GOLM1: variants seen among roughly 807,000 people sequenced by gnomAD.
GOLM1 encodes golgi membrane protein 1.
Under a neutral mutation model 50.5 loss-of-function variants are expected in GOLM1, and 31 were observed. The observed-to-expected ratio is 0.61, with a 90% confidence interval of 0.46 to 0.83. GOLM1 has a LOEUF of 0.83. Among genes scored for constraint, GOLM1 ranks in the 40% least tolerant of loss-of-function variants. The pLI is 0.00. For synonymous variants in GOLM1, 178 were observed against 192.8 expected (o/e 0.92, Z 0.64); for missense variants, 491 against 501.3 (o/e 0.98, Z 0.20).
intron 3 of GOLM1, among the ~76,000 whole-genome samples, chr9:86,060,158 T>C (rs1834114563): frequency 6.6e-6 from 1 of 152,116 alleles, no homozygotes; most frequent in African/African-American, 2.4e-5. Context: ...ATTTTCACAC[T>C]CAATCTTTGC....
At position 86,036,323 on chromosome 9, in the gene GOLM1, A is replaced by G. The variant is rs369038586; in HGVS notation, c.757+25T>C. 11 of 1,613,348 alleles carry G rather than the reference A, an allele frequency of 6.8e-6. No individual in the cohort carries two copies. The African/African-American group carries it at 1.3e-4, about 20-fold the overall frequency. ...GATGGGGCTCTGGAGAGCTGGGAAC[A>G]GGGCAACTGCTGGGCTCTGCTTACC... On this transcript the variant is annotated intron_variant, in intron 7 of 9. Coordinates refer to ENST00000388712, the MANE Select transcript of GOLM1 (RefSeq NM_016548.4).
At chr9:86,044,674 G>A (rs1200588216) in intron 5 of GOLM1, among the ~76,000 whole-genome samples, 5 of 152,126 alleles carry the variant, frequency 3.3e-5, no homozygotes, top group African/African-American at 4.8e-5. Flanking sequence ...GAGGCTGGCC[G>A]GGCACAGTAG....
chr9:86,051,242 T>C (rs1833740139), intron 4 of GOLM1, among the ~76,000 whole-genome samples: 1 of 152,146 alleles, frequency 6.6e-6, no homozygotes, highest in Non-Finnish European at 1.5e-5. Context: ...TTTGTTATAA[T>C]TGCTGTTCTT....
chr9:86,073,905 T>C (rs1396071627), intron 3 of GOLM1, among the ~76,000 whole-genome samples: 1 of 152,218 alleles, frequency 6.6e-6, no homozygotes, highest in Non-Finnish European at 1.5e-5. Flanking sequence ...GAAAATTCTA[T>C]CAGACAGGGC....
At chr9:86,036,076 C>T (rs754462958) in intron 7 of GOLM1, among the ~76,000 whole-genome samples, 10 of 152,206 alleles carry the variant, frequency 6.6e-5, no homozygotes, top group East Asian at 1.9e-4. Context: ...CCGCCTCCCC[C>T]GAGTCCCACA....
In GOLM1 at chr9:86,036,525, G is replaced by C. The variant is rs375979075; in HGVS notation, c.598-18C>G. On this transcript the variant is annotated intron_variant, in intron 6 of 9. Transcript: ENST00000388712. ...GCTTGGAGCTGAAACAGAAGCACAG[G>C]ACAGCCAGCCAGGGCAGGGCTCTGT... The C allele has an allele frequency of 6.2e-7, 1 of 1,612,906 alleles. No homozygotes were observed. The highest frequency in any genetic ancestry group is 8.5e-7 in the Non-Finnish European group (1 of 1,179,584).
intron 1 of GOLM1, among the ~76,000 whole-genome samples, chr9:86,081,018 TG>T (rs1435445880): frequency 5.9e-5 from 9 of 152,130 alleles, no homozygotes; most frequent in Admixed American, 5.9e-4. Context: ...CTCAAGTAGC[TG>T]GGACTACAGA....
intron 9 of GOLM1, among the ~76,000 whole-genome samples, chr9:86,032,350 G>C (rs1335863497): frequency 6.6e-6 from 1 of 152,114 alleles, no homozygotes; most frequent in Non-Finnish European, 1.5e-5. Context: ...TCTCTTTTTA[G>C]TAGAGACGGG....
At chr9:86,058,061 T>G (rs1352615565) in intron 3 of GOLM1, among the ~76,000 whole-genome samples, 1 of 152,190 alleles carries the variant, frequency 6.6e-6, no homozygotes, top group Non-Finnish European at 1.5e-5. Flanking sequence ...GTTACTACCT[T>G]AGAATGAAAA....
intron 3 of GOLM1, among the ~76,000 whole-genome samples, chr9:86,053,832 A>C (rs201020081): frequency 1.4e-5 from 2 of 141,448 alleles, no homozygotes; most frequent in Non-Finnish European, 3.1e-5. Context: ...CACCAAACCA[A>C]ACCACACCAC....
chr9:86,097,323 T>G (rs1887878), intron 1 of GOLM1, among the ~76,000 whole-genome samples: 19,950 of 152,188 alleles, frequency 0.13, 1,826 homozygotes, highest in East Asian at 0.52. Flanking sequence ...TTCCTTCTAC[T>G]TTTTTACAAA....
At chr9:86,092,047 C>T (rs1587745096) in intron 1 of GOLM1, among the ~76,000 whole-genome samples, 1 of 152,110 alleles carries the variant, frequency 6.6e-6, no homozygotes, top group South Asian at 2.1e-4. Flanking sequence ...CTGACACTGG[C>T]TCCACCACTC....
rs1490907605 is a variant in GOLM1, at chr9:86,036,469, T to G, written c.636A>C (p.Ala212=). 6.2e-7 allele frequency: 1 copy of G among 1,613,650 alleles called. No homozygotes were observed. The highest frequency in any genetic ancestry group is 8.5e-7 in the Non-Finnish European group (1 of 1,179,902). ...ALSEPQPRLQ[A]AGLPHTEVPQ... ...GCACCTCTGTGTGTGGCAGGCCTGC[T>G]GCCTGCAGCCTGGGCTGAGGCTCAC... The change falls in exon 7 of 10, where the codon GCA becomes GCC. Residue 212 remains alanine, a synonymous_variant. Coordinates refer to ENST00000388712, the MANE Select transcript of GOLM1 (RefSeq NM_016548.4).
intron 3 of GOLM1, among the ~76,000 whole-genome samples, chr9:86,062,591 G>A (rs1834193150): frequency 6.6e-6 from 1 of 150,946 alleles, no homozygotes; most frequent in South Asian, 2.1e-4. Flanking sequence ...AGAGAGACAG[G>A]GTCTGGAGGG....
At chr9:86,097,891 A>G (rs1835401814) in intron 1 of GOLM1, among the ~76,000 whole-genome samples, 1 of 152,184 alleles carries the variant, frequency 6.6e-6, no homozygotes, top group Admixed American at 6.5e-5. Flanking sequence ...AACAACAACA[A>G]CAACAGCGGG....
At chr9:86,079,470 C>T (rs1166000282) in intron 1 of GOLM1, 129 bp from the exon 2 acceptor site, 25 of 675,378 alleles carry the variant, frequency 3.7e-5, no homozygotes, top group Non-Finnish European at 5.3e-5. Context: ...TTCTCCTTGA[C>T]GTGCAAAGCT....
rs1832814281 is a variant in GOLM1 at position 86,027,279 on chromosome 9, G to GTGTT, written c.*534_*537dup. 2 of 985,268 alleles carry GTGTT rather than the reference G, an allele frequency of 2.0e-6. No homozygotes were observed. Among genetic ancestry groups the GTGTT allele is most frequent in the Non-Finnish European group, 2.4e-6 (2 of 829,882 alleles). 61.0% of individuals were successfully genotyped at this position (985,268 alleles called of 1,614,324 possible). ...TGTTGCTACTTTGCTAGTGACGTTT[G>GTGTT]TGTTAACAGTCAGTGCTCTAGGCCA... On this transcript the variant is annotated 3_prime_UTR_variant, in exon 10 of 10. Transcript: ENST00000388712.
rs948585728 is a variant in GOLM1 at position 86,085,907 on chromosome 9, T to C, written c.-21-6566A>G. 2.6e-5 allele frequency among the ~76,000 whole-genome samples: 4 copies of C among 152,358 alleles called. No homozygotes were observed. In the South Asian group the frequency reaches 8.3e-4, roughly 32 times the overall value. On this transcript the variant is annotated intron_variant, in intron 1 of 9. Coordinates refer to ENST00000388712, the MANE Select transcript of GOLM1 (RefSeq NM_016548.4). ...GGCATTTGGGTTGGTTCCAAGTCTT[T>C]GCTATCGTGAACAGTGCCGCAATAA...
chr9:86,087,175 G>GT (rs1327948616), intron 1 of GOLM1, among the ~76,000 whole-genome samples: 1 of 152,112 alleles, frequency 6.6e-6, no homozygotes, highest in Non-Finnish European at 1.5e-5. Flanking sequence ...CACATCCCTT[G>GT]TAAGTTGTAC....
Sources: allele counts gnomAD v4.1 joint callset (sites outside exome capture counted in the v4.1 genomes callset), GRCh38; gene constraint gnomAD v4.1.1; transcripts MANE v1.5; gene names NCBI Gene and HGNC (gene_info 2026-07-23, HGNC 2026-07-21).